GNB1: variants seen among roughly 807,000 people sequenced by gnomAD.
GNB1 encodes G protein subunit beta 1, also known as guanine nucleotide-binding protein G(I)/G(S)/G(T) subunit beta-1.
Under a neutral mutation model 42.9 loss-of-function variants are expected in GNB1, and 2 were observed. The observed-to-expected ratio is 0.05, with a 90% CI of 0.02 to 0.15. The LOEUF (loss-of-function observed/expected upper bound fraction) is 0.15. Among genes scored for constraint, GNB1 ranks in the 10% least tolerant of loss-of-function variants. The pLI, the probability that GNB1 is intolerant of heterozygous loss-of-function variation, is 1.00. For synonymous variants in GNB1, 183 were observed against 174.7 expected (o/e 1.05, Z -0.38); for missense variants, 193 against 462.2 (o/e 0.42, Z 5.34).
intron 1 of GNB1, among the ~76,000 whole-genome samples, chr1:1,844,128 G>A (rs1647483445): frequency 6.6e-6 from 1 of 152,104 alleles, no homozygotes; most frequent in South Asian, 2.1e-4. Flanking sequence ...TCGGGAGGCA[G>A]AGCTTGCAGT....
At chr1:1,832,025 T>C (rs199917842) in intron 2 of GNB1, among the ~76,000 whole-genome samples, 1 of 137,744 alleles carries the variant, frequency 7.3e-6, no homozygotes, top group East Asian at 2.1e-4. Flanking sequence ...ACTGTTCCAC[T>C]ACACTCTAGC....
intron 1 of GNB1, among the ~76,000 whole-genome samples, chr1:1,888,580 G>A (rs1164169456): frequency 6.6e-6 from 1 of 152,086 alleles, no homozygotes; most frequent in South Asian, 2.1e-4. Flanking sequence ...GCTCACGCTC[G>A]TAATCCCAGC....
At chr1:1,820,451 T>C (rs1646917532) in intron 3 of GNB1, among the ~76,000 whole-genome samples, 2 of 151,818 alleles carry the variant, frequency 1.3e-5, no homozygotes, top group South Asian at 2.1e-4. Flanking sequence ...TTAAGCTCTT[T>C]ATTGGTCATT....
In GNB1 at chr1:1,832,934, AC is replaced by A. The variant is rs201371711; in HGVS notation, c.-47+6255del. ...GCTAAAATGAAAATTAAATCAGACA[AC>A]CAATCTGAAAGTGCTCTGTCAGTCT... is the stretch of plus-strand genomic sequence containing the variant. On this transcript the variant is annotated intron_variant, in intron 2 of 11. Transcript: ENST00000378609. 6.9e-3 allele frequency among the ~76,000 whole-genome samples: 1,055 copies of A among 152,330 alleles called. 18 individuals carry two copies. Among genetic ancestry groups the A allele is most frequent in the African/African-American group, 0.024 (1,017 of 41,560 alleles).
chr1:1,875,248 G>C (rs1443678036), intron 1 of GNB1, among the ~76,000 whole-genome samples: 1 of 151,776 alleles, frequency 6.6e-6, no homozygotes, highest in Admixed American at 6.6e-5. Context: ...CTGGAGTGTA[G>C]TGGTGTGATC....
chr1:1,842,390 C>T (rs1338683728), intron 1 of GNB1, among the ~76,000 whole-genome samples: 1 of 151,602 alleles, frequency 6.6e-6, no homozygotes, highest in African/African-American at 2.4e-5. Flanking sequence ...AGGTTGCACC[C>T]CTGCACTCCA....
At chr1:1,797,810 C>T (rs564591696) in intron 7 of GNB1, among the ~76,000 whole-genome samples, 58 of 152,318 alleles carry the variant, frequency 3.8e-4, no homozygotes, top group Middle Eastern at 3.4e-3. Flanking sequence ...GAGAACATCC[C>T]TGTTGGGAGC....
At chr1:1,793,489 T>G (rs1335081089) in intron 7 of GNB1, 178 bp from the exon 8 acceptor site, 2 of 494,694 alleles carry the variant, frequency 4.0e-6, no homozygotes, top group Non-Finnish European at 7.7e-6. Flanking sequence ...GCACTGCTGG[T>G]GAGGGTGAGA....
chr1:1,825,839 C>T (rs1027384038), intron 2 of GNB1, among the ~76,000 whole-genome samples: 2 of 149,582 alleles, frequency 1.3e-5, no homozygotes, highest in African/African-American at 5.0e-5. Context: ...CACTCCAGCC[C>T]GGGCTTCACA....
intron 1 of GNB1, among the ~76,000 whole-genome samples, chr1:1,846,131 T>C (rs1647652105): frequency 6.6e-6 from 1 of 150,918 alleles, no homozygotes; most frequent in Non-Finnish European, 1.5e-5. Context: ...AATCTGAGGG[T>C]CAACATGACG....
At chr1:1,855,094 G>C (rs1380338475) in intron 1 of GNB1, among the ~76,000 whole-genome samples, 2 of 151,564 alleles carry the variant, frequency 1.3e-5, no homozygotes, top group South Asian at 2.1e-4. Flanking sequence ...TGGAGGCAAA[G>C]GTTACAGTGG....
intron 7 of GNB1, among the ~76,000 whole-genome samples, chr1:1,798,301 C>T (rs1229028919): frequency 6.6e-6 from 1 of 152,212 alleles, no homozygotes; most frequent in Non-Finnish European, 1.5e-5. Flanking sequence ...CCTGTTGTGG[C>T]TCCTGAAGCA....
rs1306597663 is a variant in GNB1, at chr1:1,787,584, C to T, written c.917-147G>A. The T allele has an allele frequency of 1.8e-6, 1 of 562,810 alleles. No individual in the cohort carries two copies. The highest frequency in any genetic ancestry group is 3.2e-6 in the Non-Finnish European group (1 of 317,012). The allele number at this position is 562,810 out of a possible 1,614,324, so 34.9% of individuals were successfully genotyped here. A position where few individuals can be genotyped will look rare whatever the true frequency, so the allele number is the denominator to read the frequency against. On this transcript the variant is annotated intron_variant, in intron 10 of 11. Transcript: ENST00000378609. The surrounding 1 kb of genome is among the most constrained non-coding windows in gnomAD (Gnocchi z 4.4). ...GCCAGGAAGGGAGGGAAAGTTGCAT[C>T]CACGTGGGGAATTAACCTGCAGCAT...
At chr1:1,793,495 T>C (rs1301104107) in intron 7 of GNB1, 184 bp from the exon 8 acceptor site, 5 of 478,632 alleles carry the variant, frequency 1.0e-5, no homozygotes, top group East Asian at 3.3e-5. Context: ...CTGGTGAGGG[T>C]GAGAGCCTGG....
chr1:1,794,461 C>T (rs1326571654), intron 7 of GNB1, among the ~76,000 whole-genome samples: 1 of 152,046 alleles, frequency 6.6e-6, no homozygotes, highest in African/African-American at 2.4e-5. Context: ...ACAGACTGGC[C>T]CTAATCTGAA....
chr1:1,827,965 A>T (rs1405947487), intron 2 of GNB1, among the ~76,000 whole-genome samples: 1 of 152,196 alleles, frequency 6.6e-6, no homozygotes, highest in Non-Finnish European at 1.5e-5. Flanking sequence ...ATAGTACGGG[A>T]CTAAAAACAA....
At chr1:1,870,319 C>T (rs1222611652) in intron 1 of GNB1, among the ~76,000 whole-genome samples, 2 of 152,120 alleles carry the variant, frequency 1.3e-5, no homozygotes, top group Admixed American at 1.3e-4. Flanking sequence ...GGACTACAGG[C>T]ACCATGCCCA....
intron 1 of GNB1, among the ~76,000 whole-genome samples, chr1:1,887,947 C>A (rs755379933): frequency 9.2e-5 from 14 of 152,146 alleles, no homozygotes; most frequent in Non-Finnish European, 2.1e-4. Context: ...AATAAAAAAA[C>A]CACACACTAT....
intron 7 of GNB1, among the ~76,000 whole-genome samples, chr1:1,801,437 G>A (rs997386688): frequency 2.0e-5 from 3 of 152,212 alleles, no homozygotes; most frequent in Admixed American, 6.5e-5. Flanking sequence ...ACACACAGGT[G>A]TGATGCATAT....
Sources: gnomAD v4.1 joint callset for allele counts (sites outside exome capture counted in the v4.1 genomes callset) on GRCh38, gnomAD v4.1.1 for gene constraint, Gnocchi (gnomAD v3.1) non-coding constraint, MANE v1.5 for transcripts, NCBI Gene and HGNC (gene_info 2026-07-23, HGNC 2026-07-21) for gene names.